The following LRBA variants were observed in gnomAD, a reference collection of about 807,000 sequenced individuals.
The protein encoded by LRBA is lipopolysaccharide-responsive and beige-like anchor protein.
In LRBA, 176 loss-of-function variants were observed where a neutral mutation model predicts 330.0. That is an observed-to-expected ratio of 0.53 (90% confidence interval 0.47 to 0.60). The LOEUF (loss-of-function observed/expected upper bound fraction) is 0.60. LRBA is among the 20% of genes least tolerant of loss of function. The pLI is 0.00. For missense variants in LRBA, 3,259 were observed against 3,444.8 expected, an observed-to-expected ratio of 0.95 and a Z score of 1.35; for synonymous variants, 1,230 against 1,193.0, an observed-to-expected ratio of 1.03 and a Z score of -0.64.
chr4:150,834,780 G>A (rs767323429), intron 28 of LRBA, among the ~76,000 whole-genome samples: 4 of 152,114 alleles, frequency 2.6e-5, no homozygotes, highest in Non-Finnish European at 5.9e-5. Flanking sequence ...TTGACTTCCT[G>A]GTAGCTAGGA....
intron 40 of LRBA, among the ~76,000 whole-genome samples, chr4:150,559,822 AATAAT>A (rs1767967066): frequency 1.6e-5 from 1 of 63,702 alleles, no homozygotes; most frequent in Admixed American, 3.1e-4. Context: ...AATAATATAT[AATAAT>A]ATAAAATATA....
chr4:150,877,457 G>C (rs1183554013), intron 17 of LRBA, among the ~76,000 whole-genome samples: 4 of 152,056 alleles, frequency 2.6e-5, no homozygotes, highest in Non-Finnish European at 5.9e-5. Context: ...ATGAAAAATA[G>C]TTCAATTCAA....
At chr4:150,459,181 TA>T (rs1043426367) in intron 44 of LRBA, among the ~76,000 whole-genome samples, 6 of 151,930 alleles carry the variant, frequency 3.9e-5, no homozygotes, top group African/African-American at 1.4e-4. Context: ...AGAAGGGGTC[TA>T]GGGGCTTTCA....
At chr4:150,727,024 T>C (rs1263723508) in intron 36 of LRBA, among the ~76,000 whole-genome samples, 1 of 146,804 alleles carries the variant, frequency 6.8e-6, no homozygotes, top group Non-Finnish European at 1.5e-5. Context: ...TCATCTGTAC[T>C]ACAGAACAAG....
intron 2 of LRBA, among the ~76,000 whole-genome samples, chr4:150,953,083 G>A (rs929403589): frequency 5.3e-5 from 8 of 152,090 alleles, no homozygotes; most frequent in African/African-American, 1.7e-4. Context: ...TCTTCAACTG[G>A]ATCACAAATG....
At chr4:150,405,195 G>A (rs146595457) in intron 47 of LRBA, among the ~76,000 whole-genome samples, 3 of 152,336 alleles carry the variant, frequency 2.0e-5, no homozygotes, top group Non-Finnish European at 4.4e-5. Flanking sequence ...GCAAAGGAAT[G>A]TGGGTCATTT....
intron 34 of LRBA, among the ~76,000 whole-genome samples, chr4:150,777,328 C>G (rs1420719646): frequency 1.3e-5 from 2 of 151,716 alleles, no homozygotes; most frequent in African/African-American, 4.8e-5. Flanking sequence ...GTAATACTAC[C>G]CTTTTTTATA....
At chr4:150,996,413 C>G (rs1229125603) in intron 2 of LRBA, among the ~76,000 whole-genome samples, 3 of 152,102 alleles carry the variant, frequency 2.0e-5, no homozygotes, top group Admixed American at 1.3e-4. Flanking sequence ...ACAAGTAATA[C>G]AGGTTAAGAA....
intron 46 of LRBA, among the ~76,000 whole-genome samples, chr4:150,429,083 A>G (rs1750029542): frequency 6.6e-6 from 1 of 152,148 alleles, no homozygotes; most frequent in Non-Finnish European, 1.5e-5. Flanking sequence ...GGGATATGAC[A>G]TAATAAACAA....
intron 49 of LRBA, among the ~76,000 whole-genome samples, chr4:150,322,607 TA>T (rs1024029212): frequency 6.6e-6 from 1 of 152,326 alleles, no homozygotes; most frequent in Middle Eastern, 3.4e-3. Context: ...TCAGTCCTTT[TA>T]AAAAAGTTAT....
intron 2 of LRBA, among the ~76,000 whole-genome samples, chr4:150,980,605 A>C (rs1740721462): frequency 6.6e-6 from 1 of 152,172 alleles, no homozygotes; most frequent in South Asian, 2.1e-4. Flanking sequence ...AGACGAGATC[A>C]CGCCACTGCA....
chr4:150,568,036 T>C (rs1160660503), intron 40 of LRBA, among the ~76,000 whole-genome samples: 3 of 152,186 alleles, frequency 2.0e-5, no homozygotes. Context: ...CCGGGCACTG[T>C]GGCTCACGCC....
intron 2 of LRBA, among the ~76,000 whole-genome samples, chr4:150,932,161 TAAGAG>T (rs1355841819): frequency 6.6e-6 from 1 of 152,096 alleles, no homozygotes; most frequent in Non-Finnish European, 1.5e-5. Context: ...CTTTTCTAAC[TAAGAG>T]TTTTTAAGAT....
chr4:150,515,532 C>T (rs1348669467), intron 40 of LRBA, among the ~76,000 whole-genome samples: 1 of 152,064 alleles, frequency 6.6e-6, no homozygotes, highest in Non-Finnish European at 1.5e-5. Context: ...GCTAGTAAAA[C>T]AGGGCCTGGC....
rs115814312 is a variant in LRBA, at chr4:150,476,546, C to T, written c.6552-4807G>A. On this transcript the variant is annotated intron_variant, in intron 42 of 56. Transcript: ENST00000651943. Reference sequence around the variant, plus strand: ...GCCCCCTACACCACCACCACTCTAGCCACACAGCCTAAGCTCACTCCCTTC... The same window carrying T: ...GCCCCCTACACCACCACCACTCTAGTCACACAGCCTAAGCTCACTCCCTTC... Among the ~76,000 whole-genome samples, 976 of 152,268 alleles carry T rather than the reference C, an allele frequency of 6.4e-3. 14 individuals carry two copies. The highest frequency in any genetic ancestry group is 0.022 in the African/African-American group (921 of 41,544).
At chr4:150,931,198 C>G (rs2149512431) in intron 2 of LRBA, among the ~76,000 whole-genome samples, 1 of 151,950 alleles carries the variant, frequency 6.6e-6, no homozygotes, top group Non-Finnish European at 1.5e-5. Flanking sequence ...CATCCAGCTT[C>G]CCCAATGTAT....
chr4:150,388,495 T>C (rs1303091468), intron 47 of LRBA, among the ~76,000 whole-genome samples: 4 of 152,216 alleles, frequency 2.6e-5, no homozygotes, highest in Admixed American at 1.3e-4. Context: ...TGGGTGAAAC[T>C]TGAGGTACGA....
Position 150,870,559 on chromosome 4 carries a change from T to G in LRBA, c.2415A>C (p.Pro805=), listed in dbSNP as rs754502559. The G allele has an allele frequency of 6.3e-7, 1 of 1,597,946 alleles. No homozygotes were observed. The highest frequency in any genetic ancestry group is 1.1e-5 in the South Asian group (1 of 90,768). ...IGTQVIHKQH[P]DPDSSVKIQN... ...GTATCTTCACTGAAGAATCAGGATCTGGATGCTGTTTATGTATCACCTGAG... is the reference window on the plus strand; with the variant it reads ...GTATCTTCACTGAAGAATCAGGATCGGGATGCTGTTTATGTATCACCTGAG... Residue 805 remains proline, a synonymous_variant, in exon 20 of 57, where the codon CCA becomes CCC. Transcript: ENST00000651943.
intron 2 of LRBA, among the ~76,000 whole-genome samples, chr4:151,008,990 T>A (rs4696642): frequency 0.59 from 9,161 of 15,626 alleles, 1,802 homozygotes; most frequent in Non-Finnish European, 0.62. Context: ...AAAAAAAAAA[T>A]ATATATATAT....
Sources: allele counts gnomAD v4.1 joint callset (sites outside exome capture counted in the v4.1 genomes callset), GRCh38; gene constraint gnomAD v4.1.1; transcripts MANE v1.5; gene names NCBI Gene and HGNC (gene_info 2026-07-23, HGNC 2026-07-21).